GOLGA8T: variants seen among roughly 807,000 people sequenced by gnomAD.
The protein encoded by GOLGA8T is golgin subfamily A member 8T.
In GOLGA8T, 17 loss-of-function variants were observed where a neutral mutation model predicts 52.0. The ratio of observed to expected loss-of-function variants is 0.33; its 90% CI spans 0.22 to 0.49. GOLGA8T has a LOEUF of 0.49. Among genes scored for constraint, GOLGA8T ranks in the 20% least tolerant of loss-of-function variants. The pLI, the probability that GOLGA8T is intolerant of heterozygous loss-of-function variation, is 0.99. For synonymous variants in GOLGA8T, 67 were observed against 169.5 expected (o/e 0.40, Z 4.70); for missense variants, 154 against 462.1 (o/e 0.33, Z 6.11).
In GOLGA8T at chr15:30,148,286, C is replaced by A; in HGVS notation, c.*2719C>A. ...AATCAAAACACCTATTTAAAGATGG[C>A]AATATATAATAATCATTTTAAAAGT... On this transcript the variant is annotated 3_prime_UTR_variant, in exon 19 of 19. Coordinates refer to ENST00000569052, the MANE Select transcript of GOLGA8T (RefSeq NM_001355469.2). 8.4e-6 allele frequency among the ~76,000 whole-genome samples: 1 copy of A among 119,264 alleles called. No homozygotes were observed. 78.2% of individuals were successfully genotyped at this position (119,264 alleles called of 152,430 possible).
intron 11 of GOLGA8T, 26 bp downstream of exon 11, chr15:30,141,451 G>T: frequency 6.6e-7 from 1 of 1,520,950 alleles, no homozygotes; most frequent in Non-Finnish European, 8.7e-7. Context: ...CATGACCTAG[G>T]AGCAGGACTG....
In GOLGA8T at chr15:30,142,420, G is replaced by T. The variant is rs777667684; in HGVS notation, c.1200+38G>T. 3.2e-6 allele frequency: 5 copies of T among 1,577,896 alleles called. No homozygotes were observed. In the Admixed American group the frequency reaches 7.0e-5, roughly 22 times the overall value. On this transcript the variant is annotated intron_variant, in intron 13 of 18. Transcript: ENST00000569052. Reference sequence around the variant, plus strand: ...GAAACCTCCACCCCATCCAAGAAGGGCTGGGAGGCGGGCAGCAGACTCTGG... The same window carrying T: ...GAAACCTCCACCCCATCCAAGAAGGTCTGGGAGGCGGGCAGCAGACTCTGG...
rs1413904634 is a variant in GOLGA8T at position 30,145,700 on chromosome 15, A to G, written c.*133A>G. On this transcript the variant is annotated 3_prime_UTR_variant, in exon 19 of 19. Coordinates refer to ENST00000569052, the MANE Select transcript of GOLGA8T (RefSeq NM_001355469.2). ...TCATGATTATTTGTGTTTCTAATTT[A>G]TAGTTTAAGTTTATTTGTAAAAAGT... 3 of 882,376 alleles carry G rather than the reference A, an allele frequency of 3.4e-6. No homozygotes were observed. Among genetic ancestry groups the G allele is most frequent in the Non-Finnish European group, 4.8e-6 (3 of 622,644 alleles). 54.7% of individuals were successfully genotyped at this position (882,376 alleles called of 1,614,324 possible).
Position 30,144,795 on chromosome 15 carries a change from A to G in GOLGA8T, c.1385A>G (p.His462Arg), listed in dbSNP as rs1228563344. The G allele has an allele frequency of 6.5e-7, 1 of 1,540,940 alleles. No individual in the cohort carries two copies. Among genetic ancestry groups the G allele is most frequent in the Non-Finnish European group, 8.7e-7 (1 of 1,151,072 alleles). ...TGGCTCCAGAGCAGCTTTATGGACC[A>G]CCTGAAGGAGAAGGCAGACCTGAGT... ...SREAMSSFMDHLKEKADLSEL... is the reference protein window; with the variant it reads ...SREAMSSFMDRLKEKADLSEL... Residue 462 changes from histidine (H) to arginine (R), a missense_variant, in exon 16 of 19, where the codon CAC becomes CGC. Physicochemically the swap from His to Arg is conservative, Grantham distance 29 (BLOSUM62 0). Transcript: ENST00000569052.
Position 30,143,603 on chromosome 15 carries a change from CA to C in GOLGA8T, c.1201-2del, listed in dbSNP as rs2057776906. 1 of 1,578,888 alleles carries C rather than the reference CA, an allele frequency of 6.3e-7. No individual in the cohort carries two copies. The highest frequency in any genetic ancestry group is 8.5e-7 in the Non-Finnish European group (1 of 1,174,706). ...CCCTTCTCACTCTGTCCTGGCCCCT[CA>C]GGAGCACCTGGAAGCTGCCAGCCAG... On this transcript the variant is annotated splice_acceptor_variant, in intron 13 of 18. Coordinates refer to ENST00000569052, the MANE Select transcript of GOLGA8T (RefSeq NM_001355469.2). LOFTEE classifies it high-confidence loss of function.
At position 30,148,657 on chromosome 15, in the gene GOLGA8T, G is replaced by A. The variant is rs1440364986; in HGVS notation, c.*3090G>A. On this transcript the variant is annotated 3_prime_UTR_variant, in exon 19 of 19. Transcript: ENST00000569052. ...GTTTATGAATTATTGTAAACAGAATGTGTCATGGAAATACTGAAAGATTTT... is the reference window on the plus strand; with the variant it reads ...GTTTATGAATTATTGTAAACAGAATATGTCATGGAAATACTGAAAGATTTT... Among the ~76,000 whole-genome samples the A allele has an allele frequency of 3.4e-5, 5 of 145,490 alleles. No individual in the cohort carries two copies. The highest frequency in any genetic ancestry group is 4.5e-4 in the South Asian group (2 of 4,452).
intron 8 of GOLGA8T, among the ~76,000 whole-genome samples, chr15:30,140,591 T>G (rs2057729150): frequency 7.1e-6 from 1 of 141,054 alleles, no homozygotes; most frequent in Non-Finnish European, 1.5e-5. Context: ...ACAGTGGTAA[T>G]AATAACAGTA....
At chr15:30,142,521 T>C (rs2057759450) in intron 13 of GOLGA8T, 139 bp downstream of exon 13, 12 of 1,485,748 alleles carry the variant, frequency 8.1e-6, no homozygotes, top group Non-Finnish European at 1.1e-5. Flanking sequence ...GGCAGTCCTG[T>C]TTCTTGCTTC....
chr15:30,144,869 C>T lies in GOLGA8T; in HGVS notation c.1459C>T (p.Arg487Cys), dbSNP rs4042323. 2.7e-4 allele frequency: 426 copies of T among 1,584,286 alleles called. 8 individuals carry two copies. The highest frequency in any genetic ancestry group is 9.4e-4 in the Middle Eastern group (5 of 5,294). Residue 487 changes from arginine to cysteine, a missense_variant, in exon 16 of 19, where the codon CGC becomes TGC. Physicochemically the swap from Arg to Cys is radical, Grantham distance 180. Around this residue, in one of 6 missense-constraint regions of GOLGA8T, gnomAD observed 17 missense variants for 26.0 expected, o/e 0.65. Coordinates refer to ENST00000569052, the MANE Select transcript of GOLGA8T (RefSeq NM_001355469.2). The part of the protein sequence containing the change: ...LCFIHHWRDR[R>C]HQKTHHLLSE... ...CTTCATCCACCACTGGCGAGACAGA[C>T]GCCATCAGTGAGTGGGAGGCCAGGG...
chr15:30,144,885 G>C lies in GOLGA8T; in HGVS notation c.1466+9G>C, dbSNP rs112387938. ...CGAGACAGACGCCATCAGTGAGTGGGAGGCCAGGGCACGGCAGGGGGAGCT... is the reference window on the plus strand; with the variant it reads ...CGAGACAGACGCCATCAGTGAGTGGCAGGCCAGGGCACGGCAGGGGGAGCT... On this transcript the variant is annotated intron_variant, in intron 16 of 18. Transcript: ENST00000569052. The C allele has an allele frequency of 8.4e-5, 134 of 1,589,624 alleles. No individual in the cohort carries two copies. Among genetic ancestry groups the C allele is most frequent in the Non-Finnish European group, 1.1e-4 (127 of 1,173,714 alleles).
intron 1 of GOLGA8T, among the ~76,000 whole-genome samples, chr15:30,136,610 G>A (rs985277068): frequency 6.8e-6 from 1 of 147,716 alleles, no homozygotes; most frequent in African/African-American, 2.5e-5. Flanking sequence ...CCTGGCAGCT[G>A]CTGATTCTTG....
At chr15:30,140,659 A>C (rs2057730289) in intron 8 of GOLGA8T, among the ~76,000 whole-genome samples, 183 bp from the exon 9 acceptor site, 1 of 145,728 alleles carries the variant, frequency 6.9e-6, no homozygotes, top group Non-Finnish European at 1.5e-5. Flanking sequence ...CTATAAATTC[A>C]ATCTCATTCC....
In GOLGA8T at chr15:30,140,218, G is replaced by A. The variant is rs531308221; in HGVS notation, c.591+434G>A. 2,707 of 443,652 alleles carry A rather than the reference G, an allele frequency of 6.1e-3. 137 individuals are homozygous for A. The highest frequency in any genetic ancestry group is 0.017 in the South Asian group (865 of 51,444). The allele number at this position is 443,652 out of a possible 1,614,324, so 27.5% of individuals were successfully genotyped here. On this transcript the variant is annotated intron_variant, in intron 8 of 18. Coordinates refer to ENST00000569052, the MANE Select transcript of GOLGA8T (RefSeq NM_001355469.2). ...AATATACATAAAACATGTCTGCAAG[G>A]GTTCATAAAAAAGTCAGGAGAGAGC...
At position 30,141,905 on chromosome 15, in the gene GOLGA8T, CA is replaced by C. The variant is rs1363146175; in HGVS notation, c.983del (p.Lys328ArgfsTer5). ...RVAGELQAQVKKNQRISLLNQ... is the reference protein window; with the variant it reads ...RVAGELQAQVXKNQRISLLNQ... ...TGGCAGGAGAGCTCCAGGCCCAGGTCAAAAAGAATCAGCGCATAAGTCTCCT... is the reference window on the plus strand; with the variant it reads ...TGGCAGGAGAGCTCCAGGCCCAGGTCAAAAGAATCAGCGCATAAGTCTCCT... On this transcript the variant is annotated frameshift_variant, in exon 12 of 19. Transcript: ENST00000569052. LOFTEE classifies it high-confidence loss of function. 1 of 501,364 alleles carries C rather than the reference CA, an allele frequency of 2.0e-6. No homozygotes were observed. The highest frequency in any genetic ancestry group is 3.3e-6 in the Non-Finnish European group (1 of 306,418). 31.1% of individuals were successfully genotyped at this position (501,364 alleles called of 1,614,324 possible).
In GOLGA8T at chr15:30,144,862, A is replaced by G. The variant is rs1475390237; in HGVS notation, c.1452A>G (p.Arg484=). ...KKELCFIHHW[R]DRRHQKTHHL... is the part of the protein sequence containing the mutation. ...AACTCTGCTTCATCCACCACTGGCG[A>G]GACAGACGCCATCAGTGAGTGGGAG... is the stretch of plus-strand genomic sequence containing the variant. The change falls in exon 16 of 19, where the codon CGA becomes CGG. Residue 484 remains arginine (R), a synonymous_variant. Transcript: ENST00000569052. 3.2e-6 allele frequency: 5 copies of G among 1,584,374 alleles called. No homozygotes were observed. Among genetic ancestry groups the G allele is most frequent in the African/African-American group, 1.5e-5 (1 of 66,892 alleles).
rs1212352225 is a variant in GOLGA8T at position 30,144,744 on chromosome 15, G to A, written c.1369-35G>A. 10 of 1,288,120 alleles carry A rather than the reference G, an allele frequency of 7.8e-6. 2 individuals carry two copies. The highest frequency in any genetic ancestry group is 3.0e-5 in the African/African-American group (1 of 33,018). 79.8% of individuals were successfully genotyped at this position (1,288,120 alleles called of 1,614,324 possible). On this transcript the variant is annotated intron_variant, in intron 15 of 18. Coordinates refer to ENST00000569052, the MANE Select transcript of GOLGA8T (RefSeq NM_001355469.2). ...TGAAAATGCCACCTGAGGGCAGGTC[G>A]CTGCCGAGATGTGACTGCAATATTT...
intron 13 of GOLGA8T, 69 bp downstream of exon 13, chr15:30,142,451 G>C: frequency 6.3e-7 from 1 of 1,578,192 alleles, no homozygotes; most frequent in South Asian, 1.1e-5. Context: ...TCTGGGGAGG[G>C]GAGGTACGAG....
Position 30,144,892 on chromosome 15 carries a change from G to A in GOLGA8T, c.1466+16G>A, listed in dbSNP as rs200839991. 63,393 of 1,586,158 alleles carry A rather than the reference G, an allele frequency of 0.04. 2,786 individuals carry two copies. The highest frequency in any genetic ancestry group is 0.16 in the African/African-American group (10,496 of 66,132). ...GACGCCATCAGTGAGTGGGAGGCCAGGGCACGGCAGGGGGAGCTACAGGGC... is the reference window on the plus strand; with the variant it reads ...GACGCCATCAGTGAGTGGGAGGCCAAGGCACGGCAGGGGGAGCTACAGGGC... On this transcript the variant is annotated intron_variant, in intron 16 of 18. Transcript: ENST00000569052.
At chr15:30,144,533 A>T (rs1183309752) in intron 15 of GOLGA8T, among the ~76,000 whole-genome samples, 748 of 128,230 alleles carry the variant, frequency 5.8e-3, no homozygotes, top group African/African-American at 0.024. Context: ...GTGAAAGAGC[A>T]GAGGGTGTGC....
Sources: gnomAD v4.1 joint callset for allele counts (sites outside exome capture counted in the v4.1 genomes callset) on GRCh38, gnomAD v4.1.1 for gene constraint, gnomAD v4.1.1 regional missense constraint, MANE v1.5 for transcripts, NCBI Gene and HGNC (gene_info 2026-07-23, HGNC 2026-07-21) for gene names.